Variants in DGKH observed in about 807,000 individuals in gnomAD.
The protein encoded by DGKH is DAG kinase eta.
A neutral mutation model predicts 159.3 loss-of-function variants in DGKH; 90 were observed. The ratio of observed to expected loss-of-function variants is 0.57; its 90% CI spans 0.48 to 0.67. The LOEUF (loss-of-function observed/expected upper bound fraction) is 0.67, where lower values mean the gene tolerates loss of function less well. Among genes scored for constraint, DGKH ranks in the 30% least tolerant of loss-of-function variants. The pLI is 0.00. For missense variants in DGKH, 1,181 were observed against 1,506.1 expected (o/e 0.78, Z 3.57); for synonymous variants, 536 against 553.8 (o/e 0.97, Z 0.45).
rs549774809 is a variant in DGKH, at chr13:42,116,824, A to T, written c.193-10639A>T. On this transcript the variant is annotated intron_variant, in intron 1 of 29. Transcript: ENST00000337343. ...TTTAAGCAAAGGGCATGAAATGAGC[A>T]ATTCTGCAGCTTTAAGACATTGGAC... 3.3e-5 allele frequency among the ~76,000 whole-genome samples: 5 copies of T among 152,380 alleles called. No homozygotes were observed. In the South Asian group the frequency reaches 1.0e-3, roughly 32 times the overall value.
chr13:42,158,526 C>A (rs532128292), intron 5 of DGKH, among the ~76,000 whole-genome samples: 4 of 152,188 alleles, frequency 2.6e-5, no homozygotes, highest in African/African-American at 9.6e-5. Flanking sequence ...ATATGTGCTG[C>A]TTTTTTTCCC....
intron 1 of DGKH, among the ~76,000 whole-genome samples, chr13:42,116,350 A>G (rs1290612982): frequency 6.6e-6 from 1 of 152,206 alleles, no homozygotes; most frequent in South Asian, 2.1e-4. Flanking sequence ...ACACAAATAA[A>G]ATGTAGAGTG....
chr13:42,148,066 A>G (rs1051415930), intron 3 of DGKH, among the ~76,000 whole-genome samples: 2 of 152,198 alleles, frequency 1.3e-5, no homozygotes, highest in Non-Finnish European at 2.9e-5. Flanking sequence ...CTGTCCTTTC[A>G]GGATAATGTC....
chr13:42,256,352 G>C, exon 31 of DGKH: 1 of 1,588,926 alleles, frequency 6.3e-7, no homozygotes, highest in Non-Finnish European at 8.6e-7. Context: ...GCTGATGAAT[G>C]AGTCTCAAAT....
chr13:42,187,149 G>A lies in DGKH; in HGVS notation c.1638+1G>A, dbSNP rs1325784356. On this transcript the variant is annotated splice_donor_variant, in intron 14 of 29. Coordinates refer to ENST00000337343, the MANE Select transcript of DGKH (RefSeq NM_178009.5). LOFTEE classifies it high-confidence loss of function. ...TGTAGCTGATGCCGTGGCCAGTAAA[G>A]TAAGAGGGGACTCTTCAGGGCATGA... 8.7e-6 allele frequency: 14 copies of A among 1,613,006 alleles called. No individual in the cohort carries two copies. Among genetic ancestry groups the A allele is most frequent in the African/African-American group, 2.7e-5 (2 of 74,888 alleles).
At chr13:42,205,955 C>A in intron 20 of DGKH, 84 bp from the exon 21 acceptor site, 1 of 738,296 alleles carries the variant, frequency 1.4e-6, no homozygotes, top group Non-Finnish European at 1.9e-6. Flanking sequence ...TGTCCTTCAT[C>A]TTTAGTGTTT....
chr13:42,228,602 G>A (rs996573158), intron 29 of DGKH, among the ~76,000 whole-genome samples: 2 of 143,632 alleles, frequency 1.4e-5, no homozygotes, highest in African/African-American at 5.1e-5. Flanking sequence ...AAGAGCCTTT[G>A]AGAGAGAGAG....
chr13:42,077,663 C>T (rs575569950), intron 1 of DGKH, among the ~76,000 whole-genome samples: 2 of 152,310 alleles, frequency 1.3e-5, no homozygotes, highest in African/African-American at 4.8e-5. Flanking sequence ...TGATTTAGGT[C>T]AGCCTATTTA....
chr13:42,186,951 A>G (rs1344334866), intron 13 of DGKH, 98 bp from the exon 14 acceptor site: 1 of 1,006,480 alleles, frequency 9.9e-7, no homozygotes, highest in Non-Finnish European at 1.5e-6. Flanking sequence ...CAGATATTTG[A>G]CAGTTTGCTT....
chr13:42,042,595 C>T (rs1471804880), intron 1 of DGKH, among the ~76,000 whole-genome samples: 1 of 152,186 alleles, frequency 6.6e-6, no homozygotes, highest in Non-Finnish European at 1.5e-5. Context: ...ATTTGCTCTG[C>T]ACCTATTTTC....
At chr13:42,177,765 G>A (rs370026552) in intron 12 of DGKH, among the ~76,000 whole-genome samples, 2 of 152,022 alleles carry the variant, frequency 1.3e-5, no homozygotes, top group African/African-American at 2.4e-5. Context: ...TGTTTTCATC[G>A]GTTTATGGGC....
intron 3 of DGKH, among the ~76,000 whole-genome samples, chr13:42,154,648 G>A (rs1169233927): frequency 6.6e-6 from 1 of 152,142 alleles, no homozygotes; most frequent in Non-Finnish European, 1.5e-5. Flanking sequence ...TCTACACAGT[G>A]GGGGAAGAAT....
downstream of DGKH, among the ~76,000 whole-genome samples, chr13:42,245,242 T>A (rs952860832): frequency 6.6e-5 from 10 of 152,140 alleles, no homozygotes; most frequent in Non-Finnish European, 1.5e-4. Flanking sequence ...ATAGAGAGAT[T>A]CAAACAGAGG....
intron 6 of DGKH, 88 bp from the exon 7 acceptor site, chr13:42,159,923 T>C (rs112620429): frequency 6.3e-6 from 10 of 1,593,014 alleles, no homozygotes; most frequent in Admixed American, 3.4e-5. Flanking sequence ...ACTGACCCTC[T>C]AGAGTGAGAA....
intron 1 of DGKH, among the ~76,000 whole-genome samples, chr13:42,075,887 C>A (rs999563454): frequency 6.6e-6 from 1 of 152,188 alleles, no homozygotes; most frequent in South Asian, 2.1e-4. Context: ...TTGAACTTTC[C>A]TGTTTTTATT....
Position 42,209,396 on chromosome 13 carries a change from G to T in DGKH, c.2781G>T (p.Ala927=), listed in dbSNP as rs775979663. ...TCCCAGTGCAAGTGGATGGTGAAGC[G>T]TGGGTTCAGCCTCCAGGGATTATCA... ...EGVPVQVDGE[A]WVQPPGIIKI... Residue 927 remains alanine (A), a synonymous_variant, in exon 23 of 30, where the codon GCG becomes GCT. Coordinates refer to ENST00000337343, the MANE Select transcript of DGKH (RefSeq NM_178009.5). 6.2e-7 allele frequency: 1 copy of T among 1,613,572 alleles called. No individual in the cohort carries two copies. The highest frequency in any genetic ancestry group is 8.5e-7 in the Non-Finnish European group (1 of 1,179,796).
chr13:42,117,312 T>A (rs1954984692), intron 1 of DGKH, among the ~76,000 whole-genome samples: 1 of 152,220 alleles, frequency 6.6e-6, no homozygotes, highest in Non-Finnish European at 1.5e-5. Context: ...CTTGGTATAC[T>A]CATTATTTTG....
chr13:42,063,314 C>T (rs888291444), intron 1 of DGKH, among the ~76,000 whole-genome samples: 1 of 152,052 alleles, frequency 6.6e-6, no homozygotes, highest in African/African-American at 2.4e-5. Flanking sequence ...GAACAGCTGA[C>T]ACATTCCAGC....
intron 11 of DGKH, among the ~76,000 whole-genome samples, chr13:42,172,075 G>A (rs987234927): frequency 5.9e-5 from 9 of 151,440 alleles, no homozygotes; most frequent in Admixed American, 3.3e-4. Context: ...TGATCCGCCC[G>A]CCTCGGCCTC....
Sources: gnomAD v4.1 joint callset for allele counts (sites outside exome capture counted in the v4.1 genomes callset) on GRCh38, gnomAD v4.1.1 for gene constraint, MANE v1.5 for transcripts, NCBI Gene and HGNC (gene_info 2026-07-23, HGNC 2026-07-21) for gene names.